The following NTNG1 variants were observed in gnomAD, a reference collection of about 807,000 sequenced individuals.
NTNG1 encodes netrin-G1.
Under a neutral mutation model 54.0 loss-of-function variants are expected in NTNG1, and 16 were observed. That is an observed-to-expected ratio of 0.30 (90% CI 0.20 to 0.45). The LOEUF (loss-of-function observed/expected upper bound fraction) is 0.45, where lower values mean the gene tolerates loss of function less well. Ranked by LOEUF, NTNG1 falls within the 20% of genes least tolerant of loss-of-function variation. The probability of loss-of-function intolerance (pLI) is 1.00; values close to 1 mark genes in which losing one functional copy is unlikely to be tolerated. For synonymous variants in NTNG1, 255 were observed against 263.1 expected, an observed-to-expected ratio of 0.97 and a Z score of 0.30; for missense variants, 530 against 678.7, an observed-to-expected ratio of 0.78 and a Z score of 2.43.
intron 2 of NTNG1, among the ~76,000 whole-genome samples, chr1:107,279,958 T>G (rs1050670052): frequency 1.3e-5 from 2 of 151,968 alleles, no homozygotes; most frequent in African/African-American, 4.8e-5. Context: ...CCACCATGTT[T>G]GGCTTTCAAT....
At chr1:107,142,768 AT>A (rs61137540) in intron 1 of NTNG1, among the ~76,000 whole-genome samples, 39,231 of 138,340 alleles carry the variant, frequency 0.28, 5,294 homozygotes, top group African/African-American at 0.37. Flanking sequence ...CCAAAAAATA[AT>A]TTTTTTTTTT....
At chr1:107,419,407 G>GACGAAA (rs1674435617) in intron 5 of NTNG1, among the ~76,000 whole-genome samples, 1 of 99,408 alleles carries the variant, frequency 1.0e-5, no homozygotes, top group Non-Finnish European at 2.3e-5. Flanking sequence ...TAATGTCAAA[G>GACGAAA]AAGAAAAAGA....
At chr1:107,435,311 A>G (rs1355354820) in intron 6 of NTNG1, among the ~76,000 whole-genome samples, 1 of 152,176 alleles carries the variant, frequency 6.6e-6, no homozygotes, top group South Asian at 2.1e-4. Context: ...TGCATATTAA[A>G]ATAGAAAATG....
chr1:107,307,697 G>A (rs2101825417), intron 2 of NTNG1, among the ~76,000 whole-genome samples: 1 of 152,296 alleles, frequency 6.6e-6, no homozygotes, highest in East Asian at 1.9e-4. Flanking sequence ...TTTGTCCAGT[G>A]CTAATGCTCC....
At chr1:107,376,417 C>CAAAAAAAAAA (rs59015235) in intron 3 of NTNG1, among the ~76,000 whole-genome samples, 6 of 148,016 alleles carry the variant, frequency 4.1e-5, no homozygotes, top group Non-Finnish European at 3.0e-5. Context: ...CAAAACAAAA[C>CAAAAAAAAAA]AAAAAAAAAA....
chr1:107,234,652 A>G (rs756398153), intron 2 of NTNG1, among the ~76,000 whole-genome samples: 11 of 152,248 alleles, frequency 7.2e-5, no homozygotes, highest in Admixed American at 2.0e-4. Context: ...AAAAAATTAC[A>G]GAAGCAATAT....
chr1:107,235,233 G>A (rs1387682885), intron 2 of NTNG1, among the ~76,000 whole-genome samples: 1 of 151,954 alleles, frequency 6.6e-6, no homozygotes, highest in African/African-American at 2.4e-5. Context: ...CATCACTATT[G>A]TTTTAAAACC....
intron 3 of NTNG1, among the ~76,000 whole-genome samples, chr1:107,332,057 G>T (rs572682051): frequency 1.3e-5 from 2 of 151,886 alleles, no homozygotes; most frequent in African/African-American, 4.8e-5. Flanking sequence ...AGACTTTATC[G>T]TATGCACCCA....
At chr1:107,140,770 GA>G (rs1653596973), upstream of NTNG1, 1 of 90,750 alleles carries the variant, frequency 1.1e-5, no homozygotes, top group Non-Finnish European at 2.0e-5. Context: ...AAAAAAAAAA[GA>G]GGAAAAAAAA....
intron 2 of NTNG1, among the ~76,000 whole-genome samples, chr1:107,159,790 T>C (rs1383945292): frequency 1.3e-5 from 2 of 152,192 alleles, no homozygotes; most frequent in African/African-American, 4.8e-5. Flanking sequence ...TTGGATTGTG[T>C]AAACAGAGTG....
At chr1:107,453,300 T>C (rs913756260) in intron 7 of NTNG1, among the ~76,000 whole-genome samples, 4 of 152,218 alleles carry the variant, frequency 2.6e-5, no homozygotes, top group African/African-American at 9.6e-5. Context: ...CACCTATTCC[T>C]AGCTCCAACT....
chr1:107,299,852 A>T (rs1557880486), intron 2 of NTNG1, among the ~76,000 whole-genome samples: 1 of 151,690 alleles, frequency 6.6e-6, no homozygotes. Context: ...CTATGTATAC[A>T]CACATACACA....
chr1:107,325,478 T>C (rs1667901602), intron 3 of NTNG1, among the ~76,000 whole-genome samples: 1 of 152,136 alleles, frequency 6.6e-6, no homozygotes, highest in Admixed American at 6.6e-5. Flanking sequence ...ATATCAAAAA[T>C]ATATACTAGC....
chr1:107,393,311 A>G (rs1295658231), intron 3 of NTNG1, among the ~76,000 whole-genome samples: 1 of 152,190 alleles, frequency 6.6e-6, no homozygotes, highest in African/African-American at 2.4e-5. Flanking sequence ...CTTAGGTTTT[A>G]AACATCCTCC....
rs1675451118 is a variant in NTNG1, at chr1:107,434,109, A to T, written c.1256-2556A>T. ...TGAACTTCATCTAAGTCTCATCTACATTAAAAATAAAAAAAGAACACTTTG... is the reference window on the plus strand; with the variant it reads ...TGAACTTCATCTAAGTCTCATCTACTTTAAAAATAAAAAAAGAACACTTTG... On this transcript the variant is annotated intron_variant, in intron 6 of 7. Coordinates refer to ENST00000370068, the MANE Select transcript of NTNG1 (RefSeq NM_001113226.3). 2.0e-5 allele frequency among the ~76,000 whole-genome samples: 3 copies of T among 152,350 alleles called. No homozygotes were observed. In the South Asian group the frequency reaches 6.2e-4, roughly 32 times the overall value.
At chr1:107,433,199 A>T (rs1213384378) in intron 6 of NTNG1, among the ~76,000 whole-genome samples, 1 of 152,180 alleles carries the variant, frequency 6.6e-6, no homozygotes, top group Non-Finnish European at 1.5e-5. Context: ...CTTGAAACCA[A>T]GCGAAGTACT....
chr1:107,480,877 TGG>T lies in NTNG1; in HGVS notation c.*40_*41del, dbSNP rs1678666909. ...AGCCACACCGGACGGGCCTGTGCCG[TGG>T]GGAAGCAGACACAACCCAAACATTT... is the stretch of plus-strand genomic sequence containing the variant. On this transcript the variant is annotated 3_prime_UTR_variant, in exon 8 of 8. Coordinates refer to ENST00000370068, the MANE Select transcript of NTNG1 (RefSeq NM_001113226.3). 1 of 1,488,052 alleles carries T rather than the reference TGG, an allele frequency of 6.7e-7. No homozygotes were observed. The highest frequency in any genetic ancestry group is 1.2e-5 in the South Asian group (1 of 82,550). The allele number at this position is 1,488,052 out of a possible 1,614,324, so 92.2% of individuals were successfully genotyped here.
intron 7 of NTNG1, among the ~76,000 whole-genome samples, chr1:107,465,423 T>C (rs1415384432): frequency 6.6e-6 from 1 of 152,178 alleles, no homozygotes; most frequent in Non-Finnish European, 1.5e-5. Context: ...AGTGCTTGTA[T>C]TTTGGTTGAG....
At chr1:107,455,062 ATTTT>A (rs111552271) in intron 7 of NTNG1, among the ~76,000 whole-genome samples, 2 of 139,470 alleles carry the variant, frequency 1.4e-5, no homozygotes, top group Non-Finnish European at 3.1e-5. Context: ...CATGGTGACT[ATTTT>A]TTTTTTTTTT....
Sources: gnomAD v4.1 joint callset for allele counts (sites outside exome capture counted in the v4.1 genomes callset) on GRCh38, gnomAD v4.1.1 for gene constraint, MANE v1.5 for transcripts, NCBI Gene and HGNC (gene_info 2026-07-23, HGNC 2026-07-21) for gene names.